The following ARHGAP42 variants were observed in gnomAD, a reference collection of about 807,000 sequenced individuals.
ARHGAP42 encodes Rho GTPase activating protein 42.
ARHGAP42 carries 63 observed loss-of-function variants against 125.0 expected under a neutral mutation model. The ratio of observed to expected loss-of-function variants is 0.50; its 90% CI spans 0.41 to 0.62. ARHGAP42 has a LOEUF of 0.62. Ranked by LOEUF, ARHGAP42 falls within the 20% of genes least tolerant of loss-of-function variation. The probability of loss-of-function intolerance (pLI) is 0.00; values close to 1 mark genes in which losing one functional copy is unlikely to be tolerated. For missense variants in ARHGAP42, 766 were observed against 1,024.2 expected (o/e 0.75, Z 3.44); for synonymous variants, 339 against 351.0 (o/e 0.97, Z 0.38).
At chr11:100,934,177 T>C (rs1243241331) in intron 7 of ARHGAP42, among the ~76,000 whole-genome samples, 1 of 152,180 alleles carries the variant, frequency 6.6e-6, no homozygotes, top group Non-Finnish European at 1.5e-5. Flanking sequence ...TTCTCTGAAA[T>C]TGAATATAAA....
At chr11:100,703,105 G>T (rs945996543) in intron 1 of ARHGAP42, among the ~76,000 whole-genome samples, 2 of 152,168 alleles carry the variant, frequency 1.3e-5, no homozygotes, top group African/African-American at 4.8e-5. Flanking sequence ...AGAGAATGGG[G>T]ACTATGAATA....
chr11:100,913,868 T>A (rs1866993383), intron 5 of ARHGAP42, among the ~76,000 whole-genome samples: 1 of 152,216 alleles, frequency 6.6e-6, no homozygotes, highest in Non-Finnish European at 1.5e-5. Flanking sequence ...AAAATATCTC[T>A]GACATTGATT....
At chr11:100,782,675 A>G (rs1565212166) in intron 2 of ARHGAP42, among the ~76,000 whole-genome samples, 1 of 152,110 alleles carries the variant, frequency 6.6e-6, no homozygotes, top group Non-Finnish European at 1.5e-5. Flanking sequence ...TTAAAAAAAA[A>G]GAGGTGAATT....
At chr11:100,968,922 C>A (rs762728346) in intron 17 of ARHGAP42, among the ~76,000 whole-genome samples, 2 of 65,190 alleles carry the variant, frequency 3.1e-5, no homozygotes, top group Non-Finnish European at 6.0e-5. Context: ...ATTACCTACA[C>A]TGGGTGTTTT....
At chr11:100,872,506 C>T (rs973495750) in intron 4 of ARHGAP42, among the ~76,000 whole-genome samples, 3 of 152,108 alleles carry the variant, frequency 2.0e-5, no homozygotes, top group Non-Finnish European at 2.9e-5. Context: ...AGCAATCCTC[C>T]TGCCTCAGCT....
chr11:100,866,885 T>C (rs542403301), intron 4 of ARHGAP42, among the ~76,000 whole-genome samples: 2 of 152,326 alleles, frequency 1.3e-5, no homozygotes, highest in South Asian at 2.1e-4. Flanking sequence ...AAATTACTTC[T>C]TGATCCCTGG....
At chr11:100,979,206 G>C (rs1299400481) in intron 22 of ARHGAP42, among the ~76,000 whole-genome samples, 157 bp downstream of exon 22, 28 of 152,128 alleles carry the variant, frequency 1.8e-4, no homozygotes, top group Admixed American at 1.8e-3. Flanking sequence ...TCTGTAAACA[G>C]CATATATCAT....
At chr11:100,927,525 T>C (rs1231283206) in intron 6 of ARHGAP42, among the ~76,000 whole-genome samples, 3 of 152,226 alleles carry the variant, frequency 2.0e-5, no homozygotes, top group African/African-American at 7.2e-5. Context: ...AAATTTGTGA[T>C]AGAACTTAGT....
chr11:100,899,472 A>T (rs1322942849), intron 4 of ARHGAP42, among the ~76,000 whole-genome samples: 2 of 152,056 alleles, frequency 1.3e-5, no homozygotes, highest in Non-Finnish European at 2.9e-5. Flanking sequence ...TTTGTGTGGG[A>T]GTCTAAGTCT....
At chr11:100,818,723 G>T (rs1864331406) in intron 3 of ARHGAP42, among the ~76,000 whole-genome samples, 1 of 152,130 alleles carries the variant, frequency 6.6e-6, no homozygotes, top group Non-Finnish European at 1.5e-5. Context: ...CCTTCTATCT[G>T]ATTCGAAGTG....
chr11:100,687,820 GGGGCGTTGAGGAGTAAGTA>G lies in ARHGAP42; in HGVS notation c.147_154+11del. ...CATTAAGGACGGCTCTCTGCTCATTGGGGCGTTGAGGAGTAAGTAGGGCTGGCGGGGGAGTGGACACCCG... is the reference window on the plus strand; with the variant it reads ...CATTAAGGACGGCTCTCTGCTCATTGGGGCTGGCGGGGGAGTGGACACCCG... On this transcript the variant is annotated splice_donor_variant and splice_donor_5th_base_variant and coding_sequence_variant and intron_variant, in exon 1 of 24. Transcript: ENST00000298815. LOFTEE classifies it high-confidence loss of function. 6.5e-7 allele frequency: 1 copy of G among 1,549,334 alleles called. No individual in the cohort carries two copies. The highest frequency in any genetic ancestry group is 1.2e-5 in the South Asian group (1 of 83,790).
At chr11:100,733,381 G>A (rs1402475920) in intron 1 of ARHGAP42, among the ~76,000 whole-genome samples, 2 of 152,182 alleles carry the variant, frequency 1.3e-5, no homozygotes, top group African/African-American at 4.8e-5. Context: ...TTTTTTGAGT[G>A]TCTACAGTAG....
chr11:100,858,379 GTCT>G (rs1865373551), intron 3 of ARHGAP42, among the ~76,000 whole-genome samples: 2 of 151,858 alleles, frequency 1.3e-5, no homozygotes, highest in Admixed American at 1.3e-4. Context: ...TAGGATTTTG[GTCT>G]TCTTTTCAAG....
At chr11:100,719,589 G>A (rs1317557837) in intron 1 of ARHGAP42, among the ~76,000 whole-genome samples, 1 of 152,148 alleles carries the variant, frequency 6.6e-6, no homozygotes, top group East Asian at 1.9e-4. Flanking sequence ...TTGCATCCAG[G>A]TTCTGGTATC....
chr11:100,886,838 G>C (rs1469272363), intron 4 of ARHGAP42, among the ~76,000 whole-genome samples: 1 of 152,152 alleles, frequency 6.6e-6, no homozygotes, highest in African/African-American at 2.4e-5. Flanking sequence ...ACTGAATTAG[G>C]TTTAGACTTT....
intron 1 of ARHGAP42, among the ~76,000 whole-genome samples, chr11:100,761,851 A>G (rs1862706154): frequency 6.6e-6 from 1 of 152,258 alleles, no homozygotes; most frequent in Non-Finnish European, 1.5e-5. Flanking sequence ...GTTCTATACC[A>G]GACACTGTGC....
rs959288913 is a variant in ARHGAP42 at position 100,992,948 on chromosome 11, C to G, written c.*4147C>G. 1 of 445,506 alleles carries G rather than the reference C, an allele frequency of 2.2e-6. No individual in the cohort carries two copies. Among genetic ancestry groups the G allele is most frequent in the Admixed American group, 4.1e-5 (1 of 24,570 alleles). The allele number at this position is 445,506 out of a possible 1,614,324, so 27.6% of individuals were successfully genotyped here. ...GATGCCAAGTTCAGTGTGGATTTTT[C>G]TTGGTGCTCTATGGAGAAATGGAGT... On this transcript the variant is annotated 3_prime_UTR_variant, in exon 24 of 24. Transcript: ENST00000298815.
chr11:100,760,804 T>C (rs1862683601), intron 1 of ARHGAP42, among the ~76,000 whole-genome samples: 1 of 151,052 alleles, frequency 6.6e-6, no homozygotes, highest in African/African-American at 2.4e-5. Context: ...GAGCTGGCAA[T>C]AGGATGATAT....
At position 100,753,027 on chromosome 11, in the gene ARHGAP42, C is replaced by T. The variant is rs79623520; in HGVS notation, c.155-17316C>T. Among the ~76,000 whole-genome samples, 61 of 152,218 alleles carry T rather than the reference C, an allele frequency of 4.0e-4. 1 individual carries two copies. The East Asian group carries it at 5.8e-3, about 15-fold the overall frequency. ...CTGGTTTCCAGATGATGATTGGGGC[C>T]GTAGGGCTCCCAGAAGTTCTGTCCC... On this transcript the variant is annotated intron_variant, in intron 1 of 23. Coordinates refer to ENST00000298815, the MANE Select transcript of ARHGAP42 (RefSeq NM_152432.4).
Sources: gnomAD v4.1 joint callset for allele counts (sites outside exome capture counted in the v4.1 genomes callset) on GRCh38, gnomAD v4.1.1 for gene constraint, MANE v1.5 for transcripts, NCBI Gene and HGNC (gene_info 2026-07-23, HGNC 2026-07-21) for gene names.